TTLL9: variants seen among roughly 807,000 people sequenced by gnomAD.
TTLL9 encodes the protein probable tubulin polyglutamylase TTLL9.
TTLL9 carries 47 observed loss-of-function variants against 65.6 expected under a neutral mutation model. That is an observed-to-expected ratio of 0.72 (90% CI 0.57 to 0.91). The LOEUF (loss-of-function observed/expected upper bound fraction) is 0.91, where lower values mean the gene tolerates loss of function less well. TTLL9 is among the 40% of genes least tolerant of loss of function. The probability of loss-of-function intolerance (pLI) is 0.00; values close to 1 mark genes in which losing one functional copy is unlikely to be tolerated. For synonymous variants in TTLL9, 179 were observed against 204.8 expected, an observed-to-expected ratio of 0.87 and a Z score of 1.07; for missense variants, 537 against 568.8, an observed-to-expected ratio of 0.94 and a Z score of 0.57.
At chr20:31,924,414 T>A (rs1391458835) in intron 8 of TTLL9, among the ~76,000 whole-genome samples, 2 of 152,132 alleles carry the variant, frequency 1.3e-5, no homozygotes, top group African/African-American at 4.8e-5. Context: ...TCGCAGTTCC[T>A]TCTGCCCAAG....
chr20:31,944,306 G>GA lies in TTLL9; in HGVS notation c.*1287dup, dbSNP rs1293304190. On this transcript the variant is annotated 3_prime_UTR_variant, in exon 15 of 15. Transcript: ENST00000535842. ...GGCAATTTTCCAGTGATGAAATTGT[G>GA]AATCAGGCAGTCACACTGGACAACA... 2.5e-5 allele frequency: 4 copies of GA among 159,976 alleles called. No individual in the cohort carries two copies. The highest frequency in any genetic ancestry group is 9.6e-5 in the African/African-American group (4 of 41,726). 9.9% of individuals were successfully genotyped at this position (159,976 alleles called of 1,614,324 possible). A position where few individuals can be genotyped will look rare whatever the true frequency, so the allele number is the denominator to read the frequency against.
intron 11 of TTLL9, 82 bp from the exon 12 acceptor site, chr20:31,934,610 G>C (rs2064076852): frequency 3.1e-6 from 4 of 1,285,710 alleles, no homozygotes; most frequent in Non-Finnish European, 4.3e-6. Context: ...GGGAAACACT[G>C]AGAGCAATTG....
intron 7 of TTLL9, 87 bp downstream of exon 7, chr20:31,920,019 A>G (rs2063793015): frequency 2.4e-6 from 3 of 1,241,350 alleles, no homozygotes. Flanking sequence ...ATCAAAGCTC[A>G]GAGGGCTGGC....
chr20:31,908,654 C>G lies in TTLL9; in HGVS notation c.270C>G (p.Thr90=). Residue 90 remains threonine, a synonymous_variant, in exon 5 of 15, where the codon ACC becomes ACG. Transcript: ENST00000535842. ...GGCTCCGGGAGAACTTCGACCACAC[C>G]TACATGGATGAACATGTGCGGATCA... ...VSWLRENFDH[T]YMDEHVRISH... is the part of the protein sequence containing the mutation. 1.9e-6 allele frequency: 3 copies of G among 1,614,170 alleles called. No homozygotes were observed. The highest frequency in any genetic ancestry group is 2.2e-5 in the South Asian group (2 of 91,074).
Position 31,905,618 on chromosome 20 carries a change from C to T in TTLL9, c.207-2973C>T, listed in dbSNP as rs367903295. ...CACAGATGTCCATCTCTGGACATCT[C>T]TGAGCTCAGTGAAAGGCTGGGTCTG... On this transcript the variant is annotated intron_variant, in intron 4 of 14. Coordinates refer to ENST00000535842, the MANE Select transcript of TTLL9 (RefSeq NM_001008409.5). Among the ~76,000 whole-genome samples the T allele has an allele frequency of 4.6e-5, 7 of 152,304 alleles. No homozygotes were observed. The East Asian group carries it at 1.2e-3, about 25-fold the overall frequency.
At chr20:31,877,409 A>G (rs1037964055) in intron 2 of TTLL9, among the ~76,000 whole-genome samples, 18 of 152,332 alleles carry the variant, frequency 1.2e-4, no homozygotes, top group African/African-American at 4.3e-4. Context: ...CTGAGATTAC[A>G]GGCGTGAGCC....
intron 6 of TTLL9, among the ~76,000 whole-genome samples, chr20:31,913,547 C>T (rs1195366855): frequency 6.6e-6 from 1 of 152,222 alleles, no homozygotes; most frequent in Non-Finnish European, 1.5e-5. Flanking sequence ...CCCAGCCAGT[C>T]ACAGGGCAGC....
At chr20:31,928,966 C>T (rs1365733492) in intron 10 of TTLL9, among the ~76,000 whole-genome samples, 1 of 152,206 alleles carries the variant, frequency 6.6e-6, no homozygotes, top group African/African-American at 2.4e-5. Flanking sequence ...GCCTTGAACT[C>T]CTGGGCTCAA....
Position 31,870,644 on chromosome 20 carries a change from GC to G in TTLL9, c.-308del. On this transcript the variant is annotated 5_prime_UTR_variant, in exon 1 of 15. Coordinates refer to ENST00000535842, the MANE Select transcript of TTLL9 (RefSeq NM_001008409.5). This position sits in a 1 kb window ranked among gnomAD's most constrained non-coding sequence, Gnocchi z 6.6. ...GCCGGACAAAGCCCCAGTGTGCCGGGCCCACGGCCCGCGGGACAACGGCAGT... is the reference window on the plus strand; with the variant it reads ...GCCGGACAAAGCCCCAGTGTGCCGGGCCACGGCCCGCGGGACAACGGCAGT... 1 of 1,292,854 alleles carries G rather than the reference GC, an allele frequency of 7.7e-7. No individual in the cohort carries two copies. The highest frequency in any genetic ancestry group is 9.9e-7 in the Non-Finnish European group (1 of 1,013,972). The allele number at this position is 1,292,854 out of a possible 1,614,324, so 80.1% of individuals were successfully genotyped here. A position where few individuals can be genotyped will look rare whatever the true frequency, so the allele number is the denominator to read the frequency against.
At chr20:31,931,952 C>T (rs1264446199) in intron 10 of TTLL9, among the ~76,000 whole-genome samples, 2 of 152,164 alleles carry the variant, frequency 1.3e-5, no homozygotes, top group Non-Finnish European at 2.9e-5. Flanking sequence ...CTAAGAAGAT[C>T]TGCCTACTCA....
In TTLL9 at chr20:31,917,982, A is replaced by G. The variant is rs575440496; in HGVS notation, c.505-1882A>G. ...GAGGGAGAGTTGTGTGTCTGTTCCC[A>G]TACATCTTTCTGCAGCTGCAGGCAT... is the stretch of plus-strand genomic sequence containing the variant. On this transcript the variant is annotated intron_variant, in intron 6 of 14. Coordinates refer to ENST00000535842, the MANE Select transcript of TTLL9 (RefSeq NM_001008409.5). Among the ~76,000 whole-genome samples the G allele has an allele frequency of 2.0e-5, 3 of 152,170 alleles. No homozygotes were observed. The East Asian group carries it at 5.8e-4, about 29-fold the overall frequency.
intron 12 of TTLL9, among the ~76,000 whole-genome samples, chr20:31,935,163 C>T (rs972972225): frequency 6.6e-6 from 1 of 152,294 alleles, no homozygotes; most frequent in African/African-American, 2.4e-5. Flanking sequence ...TGATCATCTG[C>T]TGAGTCAGGA....
chr20:31,873,465 A>T (rs1020882829), intron 2 of TTLL9, among the ~76,000 whole-genome samples: 1 of 151,992 alleles, frequency 6.6e-6, no homozygotes, highest in African/African-American at 2.4e-5. Context: ...CCTGGGCAAC[A>T]TGGCGAAATT....
chr20:31,911,031 C>T (rs1255212233), intron 6 of TTLL9, among the ~76,000 whole-genome samples: 1 of 152,028 alleles, frequency 6.6e-6, no homozygotes, highest in Non-Finnish European at 1.5e-5. Flanking sequence ...AAAAATTAGC[C>T]GGGCATGATG....
intron 8 of TTLL9, 106 bp from the exon 9 acceptor site, chr20:31,924,903 A>C: frequency 7.9e-7 from 1 of 1,258,688 alleles, no homozygotes; most frequent in Admixed American, 2.0e-5. Flanking sequence ...CAGGAGCTTC[A>C]TGAAGGCGGG....
rs1321990041 is a variant in TTLL9, at chr20:31,934,702, G to A, written c.818G>A (p.Trp273Ter). 6.2e-7 allele frequency: 1 copy of A among 1,610,566 alleles called. No individual in the cohort carries two copies. Among genetic ancestry groups the A allele is most frequent in the Non-Finnish European group, 8.5e-7 (1 of 1,179,100 alleles). ...PDYHPKKGCK[W>*]TLQRFRQYLA... The stretch of plus-strand genomic sequence containing the variant: ...CTGCCCGGGGCCCAGGGCTGCAAGT[G>A]GACGCTGCAGCGCTTCCGGCAGTAC... Residue 273 changes from tryptophan to a stop codon, truncating the protein, a stop_gained, in exon 12 of 15, where the codon TGG (tryptophan) becomes TAG (stop). Transcript: ENST00000535842. LOFTEE classifies it high-confidence loss of function.
Position 31,899,589 on chromosome 20 carries a change from A to C in TTLL9, c.206+1024A>C, listed in dbSNP as rs185433695. Among the ~76,000 whole-genome samples, 139 of 152,116 alleles carry C rather than the reference A, an allele frequency of 9.1e-4. No homozygotes were observed. In the Middle Eastern group the frequency reaches 0.017, roughly 19 times the overall value. On this transcript the variant is annotated intron_variant, in intron 4 of 14. Coordinates refer to ENST00000535842, the MANE Select transcript of TTLL9 (RefSeq NM_001008409.5). Reference sequence around the variant, plus strand: ...GTCGAGGCTGCAGTGAGCTGTGATCACACCATAGCACTCCAGCCTGGGTGA... The same window carrying C: ...GTCGAGGCTGCAGTGAGCTGTGATCCCACCATAGCACTCCAGCCTGGGTGA...
intron 4 of TTLL9, among the ~76,000 whole-genome samples, chr20:31,899,442 C>G (rs1568770828): frequency 6.6e-6 from 1 of 152,098 alleles, no homozygotes; most frequent in Non-Finnish European, 1.5e-5. Context: ...CCAACCTGGG[C>G]AACATGGCAA....
chr20:31,900,937 G>T (rs1282970717), intron 4 of TTLL9, among the ~76,000 whole-genome samples: 2 of 152,220 alleles, frequency 1.3e-5, no homozygotes, highest in African/African-American at 4.8e-5. Context: ...GAAGCAGGGT[G>T]CTCCATGGCT....
Sources: allele counts gnomAD v4.1 joint callset (sites outside exome capture counted in the v4.1 genomes callset), GRCh38; gene constraint gnomAD v4.1.1; non-coding constraint Gnocchi (gnomAD v3.1); transcripts MANE v1.5; gene names NCBI Gene and HGNC (gene_info 2026-07-23, HGNC 2026-07-21).